The following PARD3 variants were observed in gnomAD, a reference collection of about 807,000 sequenced individuals.
PARD3 encodes par-3 family cell polarity regulator, also known as partitioning defective 3 homolog.
Under a neutral mutation model 155.4 loss-of-function variants are expected in PARD3, and 75 were observed. The observed-to-expected ratio is 0.48, with a 90% CI of 0.40 to 0.58. The LOEUF (loss-of-function observed/expected upper bound fraction) is 0.58. Ranked by LOEUF, PARD3 falls within the 20% of genes least tolerant of loss-of-function variation. PARD3 has a pLI of 0.00. For synonymous variants in PARD3, 576 were observed against 610.5 expected, an observed-to-expected ratio of 0.94 and a Z score of 0.83; for missense variants, 1,642 against 1,721.7, an observed-to-expected ratio of 0.95 and a Z score of 0.82.
At chr10:34,512,397 C>T (rs950676245) in intron 3 of PARD3, among the ~76,000 whole-genome samples, 1 of 152,122 alleles carries the variant, frequency 6.6e-6, no homozygotes, top group Non-Finnish European at 1.5e-5. Flanking sequence ...CCCACTGTCC[C>T]GTCTTTGGCC....
chr10:34,572,210 G>A (rs1590063266), intron 2 of PARD3, among the ~76,000 whole-genome samples: 2 of 152,226 alleles, frequency 1.3e-5, no homozygotes, highest in East Asian at 3.9e-4. Context: ...ATTGTGACTT[G>A]AAAAAAGCAC....
Position 34,459,462 on chromosome 10 carries a change from C to T in PARD3, c.583-9014G>A, listed in dbSNP as rs188262601. ...CTGGGATTACAGGCGTGAGCCACCA[C>T]ACCCGGCCCTCATTTTCTTTCAAAA... On this transcript the variant is annotated intron_variant, in intron 4 of 24. Transcript: ENST00000374788. Among the ~76,000 whole-genome samples, 150 of 152,320 alleles carry T rather than the reference C, an allele frequency of 9.8e-4. 1 individual carries two copies. The highest frequency in any genetic ancestry group is 1.4e-3 in the Non-Finnish European group (96 of 68,026).
intron 1 of PARD3, among the ~76,000 whole-genome samples, chr10:34,748,064 A>T (rs1564575354): frequency 1.3e-5 from 2 of 152,188 alleles, no homozygotes; most frequent in Non-Finnish European, 1.5e-5. Flanking sequence ...GCTGTCCGGA[A>T]CATCATGGAA....
chr10:34,674,290 G>A (rs1277895128), intron 2 of PARD3, among the ~76,000 whole-genome samples: 1 of 152,048 alleles, frequency 6.6e-6, no homozygotes, highest in Non-Finnish European at 1.5e-5. Flanking sequence ...TTTCTAGAAA[G>A]ATCAGAATAA....
intron 7 of PARD3, among the ~76,000 whole-genome samples, chr10:34,389,639 C>T (rs1842689846): frequency 6.6e-6 from 1 of 152,102 alleles, no homozygotes; most frequent in African/African-American, 2.4e-5. Context: ...GTATAAACAT[C>T]ACAACGGTAG....
At chr10:34,218,277 T>C (rs1393384192) in intron 22 of PARD3, among the ~76,000 whole-genome samples, 1 of 152,060 alleles carries the variant, frequency 6.6e-6, no homozygotes, top group Non-Finnish European at 1.5e-5. Context: ...GTTGGAGGAG[T>C]TGGCACACAG....
intron 1 of PARD3, among the ~76,000 whole-genome samples, chr10:34,794,720 T>C (rs55684662): frequency 6.6e-6 from 1 of 152,244 alleles, no homozygotes; most frequent in African/African-American, 2.4e-5. Flanking sequence ...AGTTGTTAGA[T>C]CTTTGGGCTC....
In PARD3 at chr10:34,401,850, T is replaced by C. The variant is rs1843915911; in HGVS notation, c.782A>G (p.Glu261Gly). 3 of 1,613,312 alleles carry C rather than the reference T, an allele frequency of 1.9e-6. No individual in the cohort carries two copies. Among genetic ancestry groups the C allele is most frequent in the Middle Eastern group, 1.6e-4 (1 of 6,082 alleles). ...CTCCAGAGAAAAGTTGGGTATATGC[T>C]CCAAACCCGTGTCAGCATGTCCAAC... ...EPVGHADTGLEHIPNFSLDDM... is the reference protein window; with the variant it reads ...EPVGHADTGLGHIPNFSLDDM... Residue 261 changes from glutamate (E) to glycine (G), a missense_variant, in exon 6 of 25, where the codon GAG becomes GGG. This residue lies in a region of PARD3 where 1,529 missense variants were observed against 1,587.3 expected (regional missense o/e 0.96). Transcript: ENST00000374788.
intron 7 of PARD3, among the ~76,000 whole-genome samples, chr10:34,393,900 C>T (rs2384223): frequency 0.01 from 1,548 of 148,552 alleles, 9 homozygotes; most frequent in Non-Finnish European, 0.012. Context: ...TGCAGTGGCG[C>T]GATCTCAGCT....
At chr10:34,120,509 T>C (rs1946937463) in intron 23 of PARD3, among the ~76,000 whole-genome samples, 1 of 152,094 alleles carries the variant, frequency 6.6e-6, no homozygotes, top group African/African-American at 2.4e-5. Context: ...GGTGGCCATG[T>C]TGATGAATTT....
chr10:34,372,658 G>C, intron 11 of PARD3, 122 bp from the exon 12 acceptor site: 2 of 717,804 alleles, frequency 2.8e-6, no homozygotes, highest in Non-Finnish European at 4.9e-6. Flanking sequence ...AATATATAAA[G>C]GGTAATTATA....
chr10:34,127,850 C>A (rs1588865070), intron 23 of PARD3, among the ~76,000 whole-genome samples: 1 of 150,570 alleles, frequency 6.6e-6, no homozygotes, highest in Non-Finnish European at 1.5e-5. Flanking sequence ...GAATTTATCA[C>A]ACATCACAAA....
At chr10:34,641,990 T>A (rs1286318293) in intron 2 of PARD3, among the ~76,000 whole-genome samples, 2 of 152,018 alleles carry the variant, frequency 1.3e-5, no homozygotes, top group Non-Finnish European at 2.9e-5. Context: ...AATGAACACC[T>A]AAGGTCCCAG....
intron 3 of PARD3, among the ~76,000 whole-genome samples, chr10:34,471,224 T>C (rs2078326115): frequency 6.6e-6 from 1 of 152,226 alleles, no homozygotes; most frequent in South Asian, 2.1e-4. Flanking sequence ...GGTAGTATTT[T>C]AGCAAATGTA....
Position 34,119,701 on chromosome 10 carries a change from C to A in PARD3, c.3580G>T (p.Val1194Leu). The A allele has an allele frequency of 6.2e-7, 1 of 1,613,046 alleles. No individual in the cohort carries two copies. Among genetic ancestry groups the A allele is most frequent in the Non-Finnish European group, 8.5e-7 (1 of 1,179,624 alleles). Residue 1194 changes from valine to leucine, a missense_variant, in exon 24 of 25, where the codon GTG becomes TTG. Around this residue, in one of 3 missense-constraint regions of PARD3, gnomAD observed 1,529 missense variants for 1,587.3 expected, o/e 0.96. Transcript: ENST00000374788. ...RPATQSGRHS[V>L]SVEVQMQRQR... ...CGCTGCATCTGCACCTCCACGGACA[C>A]CGAGTGTCGCCCGCTCTGCGTCGCC...
chr10:34,277,851 C>T (rs1329808741), intron 21 of PARD3, among the ~76,000 whole-genome samples: 1 of 152,068 alleles, frequency 6.6e-6, no homozygotes, highest in African/African-American at 2.4e-5. Context: ...TTTCCATAAG[C>T]CTTTGTGCTT....
rs2083896738 is a variant in PARD3, at chr10:34,544,573, C to T, written c.223-27414G>A. ...AAAGTGTGGTCCCTCCCAGTAGCAC[C>T]AGCATCACCTGGGAACTGTTAGAAA... On this transcript the variant is annotated intron_variant, in intron 2 of 24. Transcript: ENST00000374788. Among the ~76,000 whole-genome samples the T allele has an allele frequency of 1.3e-5, 2 of 152,116 alleles. 1 individual carries two copies. The highest frequency in any genetic ancestry group is 4.2e-4 in the South Asian group (2 of 4,816).
At chr10:34,212,297 T>C (rs374394303) in intron 22 of PARD3, among the ~76,000 whole-genome samples, 49 of 152,318 alleles carry the variant, frequency 3.2e-4, no homozygotes, top group Admixed American at 2.0e-3. Flanking sequence ...ATGTCAGAAC[T>C]TGAAGCCCTG....
intron 1 of PARD3, among the ~76,000 whole-genome samples, chr10:34,758,665 T>C (rs1397586048): frequency 6.6e-6 from 1 of 152,230 alleles, no homozygotes; most frequent in Non-Finnish European, 1.5e-5. Context: ...TGGAAATGTG[T>C]TTTAATCCTG....
Sources: allele counts gnomAD v4.1 joint callset (sites outside exome capture counted in the v4.1 genomes callset), GRCh38; gene constraint gnomAD v4.1.1; regional missense constraint gnomAD v4.1.1; transcripts MANE v1.5; gene names NCBI Gene and HGNC (gene_info 2026-07-23, HGNC 2026-07-21).